NFE2: variants seen among roughly 807,000 people sequenced by gnomAD.
NFE2 encodes transcription factor NF-E2 45 kDa subunit.
A neutral mutation model predicts 25.8 loss-of-function variants in NFE2; 13 were observed. The observed-to-expected ratio is 0.50, with a 90% CI of 0.33 to 0.80. NFE2 has a LOEUF of 0.80. NFE2 is among the 30% of genes least tolerant of loss of function. The probability of loss-of-function intolerance (pLI) is 0.02; values close to 1 mark genes in which losing one functional copy is unlikely to be tolerated. For missense variants in NFE2, 382 were observed against 478.9 expected (o/e 0.80, Z 1.89); for synonymous variants, 204 against 200.2 (o/e 1.02, Z -0.16).
intron 1 of NFE2, among the ~76,000 whole-genome samples, chr12:54,297,568 G>A (rs1944384390): frequency 6.7e-6 from 1 of 150,364 alleles, no homozygotes; most frequent in Non-Finnish European, 1.5e-5. Context: ...AGGAGGCTGA[G>A]GCAGGGAGAA....
chr12:54,295,180 C>A lies in NFE2; in HGVS notation c.69G>T (p.Glu23Asp), dbSNP rs1274590804. The A allele has an allele frequency of 6.2e-7, 1 of 1,614,150 alleles. No individual in the cohort carries two copies. Among genetic ancestry groups the A allele is most frequent in the East Asian group, 2.2e-5 (1 of 44,886 alleles). ...VIQLSTSELG[E>D]MELTWQEIMS... The stretch of plus-strand genomic sequence containing the variant: ...TGATCTCCTGCCAAGTCAGTTCCAT[C>A]TCTCCTAGCTCTGAAGTGGACAGCT... Residue 23 changes from glutamate (E) to aspartate (D), a missense_variant, in exon 2 of 3, where the codon GAG (glutamate) becomes GAT (aspartate). By Grantham distance (45) the Glu-to-Asp change is conservative (BLOSUM62 2). Coordinates refer to ENST00000435572, the MANE Select transcript of NFE2 (RefSeq NM_001136023.3).
chr12:54,292,820 C>T lies in NFE2; in HGVS notation c.676G>A (p.Asp226Asn). The T allele has an allele frequency of 6.2e-7, 1 of 1,614,198 alleles. No individual in the cohort carries two copies. Among genetic ancestry groups the T allele is most frequent in the Non-Finnish European group, 8.5e-7 (1 of 1,180,040 alleles). The part of the protein sequence containing the change: ...PTARGEAGSR[D>N]ERRALAMKIP... ...TTCATGGCCAAGGCCCGACGTTCAT[C>T]CCGACTCCCTGCCTCCCCCCGTGCA... Residue 226 changes from aspartate to asparagine, a missense_variant, in exon 3 of 3, where the codon GAT becomes AAT. Physicochemically the swap from Asp to Asn is conservative, Grantham distance 23 (BLOSUM62 1). Coordinates refer to ENST00000435572, the MANE Select transcript of NFE2 (RefSeq NM_001136023.3).
intron 1 of NFE2, among the ~76,000 whole-genome samples, chr12:54,297,010 G>T (rs1026882958): frequency 2.0e-5 from 3 of 151,930 alleles, no homozygotes; most frequent in African/African-American, 7.3e-5. Flanking sequence ...TGATCTCTAC[G>T]GTCAGACATT....
intron 1 of NFE2, among the ~76,000 whole-genome samples, chr12:54,298,604 T>C (rs1345762594): frequency 6.6e-6 from 1 of 151,936 alleles, no homozygotes; most frequent in Non-Finnish European, 1.5e-5. Context: ...GGAACCTAAT[T>C]GCTATTAAAG....
chr12:54,293,610 G>A (rs941801736), intron 2 of NFE2, among the ~76,000 whole-genome samples: 18 of 152,172 alleles, frequency 1.2e-4, no homozygotes, highest in African/African-American at 4.1e-4. Context: ...AACACTATGG[G>A]AGGCCAAGGC....
At chr12:54,299,751 G>C (rs1045156806) in intron 1 of NFE2, among the ~76,000 whole-genome samples, 1 of 152,134 alleles carries the variant, frequency 6.6e-6, no homozygotes, top group Non-Finnish European at 1.5e-5. Context: ...GAGGGGGAAC[G>C]ATGAGAGGGG....
chr12:54,298,507 CAAAAAA>C (rs1180692795), intron 1 of NFE2, among the ~76,000 whole-genome samples: 5 of 35,616 alleles, frequency 1.4e-4, no homozygotes, highest in African/African-American at 2.1e-4. Flanking sequence ...AACTCCACAT[CAAAAAA>C]AAAAAAAAAA....
chr12:54,295,065 G>A lies in NFE2; in HGVS notation c.114+70C>T, dbSNP rs571628800. 1.2e-4 allele frequency: 164 copies of A among 1,321,158 alleles called. 5 individuals are homozygous for A. The South Asian group carries it at 1.9e-3, about 15-fold the overall frequency. 81.8% of individuals were successfully genotyped at this position (1,321,158 alleles called of 1,614,324 possible). A position where few individuals can be genotyped will look rare whatever the true frequency, so the allele number is the denominator to read the frequency against. On this transcript the variant is annotated intron_variant, in intron 2 of 2. Transcript: ENST00000435572. ...CTGCTTGCTCCTGCCCTCTGCCTCAGTCCTGGCCAACTCCCTGCTTCTCTC... is the reference window on the plus strand; with the variant it reads ...CTGCTTGCTCCTGCCCTCTGCCTCAATCCTGGCCAACTCCCTGCTTCTCTC...
In NFE2 at chr12:54,292,356, C is replaced by T; in HGVS notation, c.*18G>A. 1.2e-6 allele frequency: 2 copies of T among 1,606,742 alleles called. No homozygotes were observed. The highest frequency in any genetic ancestry group is 1.7e-6 in the Non-Finnish European group (2 of 1,174,526). On this transcript the variant is annotated 3_prime_UTR_variant, in exon 3 of 3. Transcript: ENST00000435572. The stretch of plus-strand genomic sequence containing the variant: ...AATGAAGGAAATCCCATCAGCAGTT[C>T]CACCCCTCTGGGCCAGCTCAGTCTG...
rs1944323753 is a variant in NFE2 at position 54,292,326 on chromosome 12, A to C, written c.*48T>G. The C allele has an allele frequency of 6.3e-7, 1 of 1,578,164 alleles. No individual in the cohort carries two copies. The highest frequency in any genetic ancestry group is 1.7e-5 in the Admixed American group (1 of 58,396). ...CAGGGTTGGGGAGTACCTTTATCAGAAGGGAATGAAGGAAATCCCATCAGC... is the reference window on the plus strand; with the variant it reads ...CAGGGTTGGGGAGTACCTTTATCAGCAGGGAATGAAGGAAATCCCATCAGC... On this transcript the variant is annotated 3_prime_UTR_variant, in exon 3 of 3. Coordinates refer to ENST00000435572, the MANE Select transcript of NFE2 (RefSeq NM_001136023.3).
At chr12:54,299,953 G>C (rs1944408229) in intron 1 of NFE2, among the ~76,000 whole-genome samples, 1 of 151,854 alleles carries the variant, frequency 6.6e-6, no homozygotes, top group South Asian at 2.1e-4. Context: ...CAGAATGAAG[G>C]GGAAAAAAAG....
chr12:54,295,106 C>A (rs1944358425), intron 2 of NFE2, 29 bp downstream of exon 2: 2 of 1,584,496 alleles, frequency 1.3e-6, no homozygotes, highest in Non-Finnish European at 1.7e-6. Flanking sequence ...CGACACACGG[C>A]CTCCCCTGCC....
At chr12:54,295,394 C>T in intron 1 of NFE2, 90 bp from the exon 2 acceptor site, 1 of 617,728 alleles carries the variant, frequency 1.6e-6, no homozygotes, top group Non-Finnish European at 2.9e-6. Flanking sequence ...TCCAGCTTCC[C>T]CTGAGGGAAG....
intron 2 of NFE2, among the ~76,000 whole-genome samples, chr12:54,294,932 C>T (rs914197262): frequency 2.0e-5 from 3 of 152,038 alleles, no homozygotes; most frequent in Non-Finnish European, 2.9e-5. Context: ...CAGATCATTC[C>T]CTCCCCACCA....
intron 1 of NFE2, among the ~76,000 whole-genome samples, chr12:54,297,356 C>CAAAAA (rs35611028): frequency 4.0e-5 from 2 of 49,994 alleles, no homozygotes; most frequent in African/African-American, 9.0e-5. Flanking sequence ...GACCCTGTCT[C>CAAAAA]AAAAAAAAAA....
chr12:54,294,495 C>T (rs1209614048), intron 2 of NFE2, among the ~76,000 whole-genome samples: 1 of 152,066 alleles, frequency 6.6e-6, no homozygotes, highest in East Asian at 1.9e-4. Flanking sequence ...CTAAGAAGCA[C>T]CTTGGGGAGC....
chr12:54,297,627 C>CTGCA (rs1308193261), intron 1 of NFE2: 1 of 131,290 alleles, frequency 7.6e-6, no homozygotes, highest in African/African-American at 2.9e-5. Flanking sequence ...GATCGCACCA[C>CTGCA]TGCACTCCAG....
intron 1 of NFE2, chr12:54,297,688 A>AG (rs1565887495): frequency 5.3e-5 from 8 of 152,216 alleles, no homozygotes; most frequent in Non-Finnish European, 1.2e-4. Context: ...AAAAAAAAAA[A>AG]AAAAGAAAAG....
rs141251053 is a variant in NFE2, at chr12:54,292,402, C to T, written c.1094G>A (p.Arg365Gln). The T allele has an allele frequency of 1.2e-6, 2 of 1,614,032 alleles. No individual in the cohort carries two copies. The highest frequency in any genetic ancestry group is 1.7e-6 in the Non-Finnish European group (2 of 1,179,898). Reference protein sequence around the residue: ...AADGTIFLVPRGTKMEATD With the variant: ...AADGTIFLVPQGTKMEATD ...GTCTGTGGCCTCCATCTTGGTCCCC[C>T]GGGGCACAAGGAAGATGGTCCCATC... The change falls in exon 3 of 3, where the codon CGG (arginine) becomes CAG (glutamine). Residue 365 changes from arginine (R) to glutamine (Q), a missense_variant. By Grantham distance (43) the Arg-to-Gln change is conservative. Coordinates refer to ENST00000435572, the MANE Select transcript of NFE2 (RefSeq NM_001136023.3).
Sources: allele counts gnomAD v4.1 joint callset (sites outside exome capture counted in the v4.1 genomes callset), GRCh38; gene constraint gnomAD v4.1.1; transcripts MANE v1.5; gene names NCBI Gene and HGNC (gene_info 2026-07-23, HGNC 2026-07-21).